Variants in EPHX2 observed in about 807,000 individuals in gnomAD.
The protein encoded by EPHX2 is bifunctional epoxide hydrolase 2.
Under a neutral mutation model 78.7 loss-of-function variants are expected in EPHX2, and 74 were observed. That is an observed-to-expected ratio of 0.94 (90% CI 0.78 to 1.14). The LOEUF is 1.14. Ranked by LOEUF, EPHX2 falls within the 50% of genes most tolerant of loss-of-function variation. The pLI is 0.00. For synonymous variants in EPHX2, 251 were observed against 255.2 expected, an observed-to-expected ratio of 0.98 and a Z score of 0.16; for missense variants, 715 against 702.5, an observed-to-expected ratio of 1.02 and a Z score of -0.20.
chr8:27,503,735 C>G lies in EPHX2; in HGVS notation c.318C>G (p.Leu106=), dbSNP rs1273714506. ...ISARKINRPM[L]QAALMLRKKG... ...CCAGAAAGATCAACCGCCCCATGCT[C>G]CAGGCAGCTCTCATGCTCAGGAAGA... Residue 106 remains leucine (L), a synonymous_variant, in exon 3 of 19, where the codon CTC becomes CTG. Transcript: ENST00000521400. 7 of 1,612,976 alleles carry G rather than the reference C, an allele frequency of 4.3e-6. No homozygotes were observed. The highest frequency in any genetic ancestry group is 1.3e-5 in the African/African-American group (1 of 74,888).
chr8:27,516,426 A>G (rs1176418471), intron 8 of EPHX2, 28 bp downstream of exon 8: 2 of 1,608,174 alleles, frequency 1.2e-6, no homozygotes, highest in South Asian at 1.1e-5. Flanking sequence ...CAGCTGTCTT[A>G]TGCTGGTCTT....
chr8:27,496,447 T>A (rs557519883), intron 1 of EPHX2, among the ~76,000 whole-genome samples: 13 of 152,120 alleles, frequency 8.5e-5, no homozygotes, highest in Admixed American at 5.2e-4. Flanking sequence ...AACCTTGGAG[T>A]CAGAGTGCAG....
In EPHX2 at chr8:27,516,403, G is replaced by C; in HGVS notation, c.910+5G>C. ...GAGAGTCATCTGCTCCTCCCGGTGG[G>C]TGTGCTGTCTTGCAGCTGTCTTATG... On this transcript the variant is annotated splice_donor_5th_base_variant and intron_variant, in intron 8 of 18. Coordinates refer to ENST00000521400, the MANE Select transcript of EPHX2 (RefSeq NM_001979.6). 6.2e-7 allele frequency: 1 copy of C among 1,613,784 alleles called. No homozygotes were observed. Among genetic ancestry groups the C allele is most frequent in the Middle Eastern group, 1.7e-4 (1 of 6,018 alleles).
intron 16 of EPHX2, among the ~76,000 whole-genome samples, chr8:27,543,006 T>TCCCCCCCCC (rs60846123): frequency 6.2e-4 from 62 of 99,702 alleles, no homozygotes; most frequent in South Asian, 8.3e-4. Context: ...TCCCATCCTC[T>TCCCCCCCCC]CCCCCCCCCG....
Position 27,518,089 on chromosome 8 carries a change from G to T in EPHX2, c.945+17G>T, listed in dbSNP as rs766324746. On this transcript the variant is annotated intron_variant, in intron 9 of 18. Transcript: ENST00000521400. The stretch of plus-strand genomic sequence containing the variant: ...TTATGTAAGGTAAGAAGAATCTTGG[G>T]TAACATCTTCCCCATCCTGCGATTT... 4 of 1,594,330 alleles carry T rather than the reference G, an allele frequency of 2.5e-6. No individual in the cohort carries two copies. The African/African-American group carries it at 5.4e-5, about 22-fold the overall frequency.
chr8:27,515,224 C>T (rs1216500117), intron 6 of EPHX2, among the ~76,000 whole-genome samples: 1 of 152,166 alleles, frequency 6.6e-6, no homozygotes, highest in African/African-American at 2.4e-5. Context: ...GAAAACCCTG[C>T]TCTTTACTCA....
At chr8:27,498,306 A>C (rs764373009) in intron 1 of EPHX2, among the ~76,000 whole-genome samples, 2 of 151,602 alleles carry the variant, frequency 1.3e-5, no homozygotes, top group Non-Finnish European at 2.9e-5. Flanking sequence ...TGAGTGGGGG[A>C]GATTAGAGGA....
chr8:27,523,200 C>G (rs1221375808), intron 11 of EPHX2, among the ~76,000 whole-genome samples: 1 of 152,140 alleles, frequency 6.6e-6, no homozygotes, highest in Non-Finnish European at 1.5e-5. Flanking sequence ...TGTGACACAT[C>G]ACTTCGCTTC....
intron 16 of EPHX2, among the ~76,000 whole-genome samples, chr8:27,542,055 C>T (rs559337983): frequency 6.6e-6 from 1 of 152,172 alleles, no homozygotes; most frequent in African/African-American, 2.4e-5. Flanking sequence ...TCCCAGTTTA[C>T]ATTCAAAATG....
At chr8:27,527,031 C>T (rs71519642) in intron 12 of EPHX2, among the ~76,000 whole-genome samples, 2 of 152,156 alleles carry the variant, frequency 1.3e-5, no homozygotes, top group African/African-American at 2.4e-5. Flanking sequence ...ACCTCCGCCT[C>T]CTAAGGTTCA....
chr8:27,535,929 T>C (rs1203777483), intron 12 of EPHX2, among the ~76,000 whole-genome samples: 1 of 152,212 alleles, frequency 6.6e-6, no homozygotes, highest in East Asian at 1.9e-4. Flanking sequence ...GCCTATTTTG[T>C]ACATTGGCAT....
intron 12 of EPHX2, 131 bp from the exon 13 acceptor site, chr8:27,536,653 A>C: frequency 1.2e-6 from 1 of 832,050 alleles, no homozygotes; most frequent in East Asian, 2.4e-5. Context: ...ATTCAAATGG[A>C]TGCTATTCTG....
At chr8:27,548,183 G>T (rs543104252), downstream of EPHX2, among the ~76,000 whole-genome samples, 1 of 152,334 alleles carries the variant, frequency 6.6e-6, no homozygotes, top group Non-Finnish European at 1.5e-5. Flanking sequence ...AGACTAGACA[G>T]GACAAAAAGC....
intron 11 of EPHX2, among the ~76,000 whole-genome samples, chr8:27,524,794 G>A (rs1251992235): frequency 2.0e-5 from 3 of 152,014 alleles, no homozygotes; most frequent in Non-Finnish European, 2.9e-5. Flanking sequence ...ATGCTATTTT[G>A]TGCTATTCTA....
chr8:27,519,795 G>A (rs866659442), intron 9 of EPHX2, among the ~76,000 whole-genome samples: 1 of 152,148 alleles, frequency 6.6e-6, no homozygotes, highest in Non-Finnish European at 1.5e-5. Context: ...GAAGTGAGGG[G>A]CTCCTCTCCA....
chr8:27,538,442 C>A (rs922636365), intron 13 of EPHX2, among the ~76,000 whole-genome samples: 4 of 152,192 alleles, frequency 2.6e-5, no homozygotes, highest in Admixed American at 2.6e-4. Flanking sequence ...GTCGTGAGCC[C>A]GCTCTTTACT....
intron 5 of EPHX2, among the ~76,000 whole-genome samples, chr8:27,510,816 G>A (rs918739178): frequency 1.3e-5 from 2 of 152,070 alleles, no homozygotes; most frequent in South Asian, 4.1e-4. Context: ...GGCCGTGGTA[G>A]TGCACACCTA....
chr8:27,543,405 C>T (rs1349121805), intron 16 of EPHX2, among the ~76,000 whole-genome samples: 1 of 152,112 alleles, frequency 6.6e-6, no homozygotes, highest in Non-Finnish European at 1.5e-5. Context: ...GAACCTTGGT[C>T]GCCCCTTTTA....
At chr8:27,511,426 C>T (rs1482686515) in intron 5 of EPHX2, among the ~76,000 whole-genome samples, 1 of 152,268 alleles carries the variant, frequency 6.6e-6, no homozygotes, top group Non-Finnish European at 1.5e-5. Flanking sequence ...GGCCAGTGGC[C>T]AGGGGCTTCG....
Sources: allele counts gnomAD v4.1 joint callset (sites outside exome capture counted in the v4.1 genomes callset), GRCh38; gene constraint gnomAD v4.1.1; transcripts MANE v1.5; gene names NCBI Gene and HGNC (gene_info 2026-07-23, HGNC 2026-07-21).